RBMS3: variants seen among roughly 807,000 people sequenced by gnomAD.
RBMS3 encodes the protein RNA binding motif single stranded interacting protein 3, also known as RNA-binding motif, single-stranded-interacting protein 3.
RBMS3 carries 27 observed loss-of-function variants against 66.8 expected under a neutral mutation model. The ratio of observed to expected loss-of-function variants is 0.40; its 90% CI spans 0.30 to 0.56. The LOEUF (loss-of-function observed/expected upper bound fraction) is 0.56, where lower values mean the gene tolerates loss of function less well. RBMS3 is among the 20% of genes least tolerant of loss of function. The pLI is 0.40. For synonymous variants in RBMS3, 188 were observed against 183.0 expected (o/e 1.03, Z -0.22); for missense variants, 513 against 549.5 (o/e 0.93, Z 0.66).
intron 12 of RBMS3, among the ~76,000 whole-genome samples, chr3:29,948,377 A>G (rs1695457709): frequency 6.6e-6 from 1 of 151,788 alleles, no homozygotes; most frequent in African/African-American, 2.4e-5. Flanking sequence ...CAAAGATTTA[A>G]TTGAAGCCTA....
intron 4 of RBMS3, among the ~76,000 whole-genome samples, chr3:29,626,787 C>T (rs1279041627): frequency 2.6e-5 from 4 of 152,078 alleles, no homozygotes; most frequent in African/African-American, 9.7e-5. Context: ...ATTCAGGGCC[C>T]TGAAACAAGA....
At chr3:29,303,847 C>T (rs1442888768) in intron 1 of RBMS3, among the ~76,000 whole-genome samples, 2 of 152,000 alleles carry the variant, frequency 1.3e-5, no homozygotes, top group African/African-American at 2.4e-5. Context: ...TACAGTCCCA[C>T]GTGGCTGGGG....
intron 1 of RBMS3, among the ~76,000 whole-genome samples, chr3:29,314,088 G>T (rs1275657940): frequency 6.6e-6 from 1 of 151,598 alleles, no homozygotes; most frequent in African/African-American, 2.4e-5. Flanking sequence ...GATAGTAATA[G>T]AAGTCATAAT....
chr3:29,520,830 A>G (rs1398919414), intron 3 of RBMS3, among the ~76,000 whole-genome samples: 3 of 152,176 alleles, frequency 2.0e-5, no homozygotes. Context: ...CAAGGAGGTT[A>G]AAGAATCTTA....
chr3:29,350,916 A>G (rs1461129793), intron 1 of RBMS3, among the ~76,000 whole-genome samples: 1 of 152,112 alleles, frequency 6.6e-6, no homozygotes, highest in Non-Finnish European at 1.5e-5. Context: ...AAAGCTATAA[A>G]AGGAAAAGTG....
intron 1 of RBMS3, among the ~76,000 whole-genome samples, chr3:29,300,042 G>A (rs1376429467): frequency 6.6e-6 from 1 of 151,866 alleles, no homozygotes; most frequent in African/African-American, 2.4e-5. Flanking sequence ...TGAAGAAACA[G>A]AAATAGCTAC....
At position 29,597,537 on chromosome 3, in the gene RBMS3, T is replaced by A. The variant is rs80031856; in HGVS notation, c.399+10332T>A. Reference sequence around the variant, plus strand: ...CCCACCGTGTCCAGGACACACTTTTTAACTGCTATTTGAATGACTTAACCA... The same window carrying A: ...CCCACCGTGTCCAGGACACACTTTTAAACTGCTATTTGAATGACTTAACCA... On this transcript the variant is annotated intron_variant, in intron 4 of 14. Coordinates refer to ENST00000383767, the MANE Select transcript of RBMS3 (RefSeq NM_001003793.3). 3.3e-3 allele frequency among the ~76,000 whole-genome samples: 500 copies of A among 152,282 alleles called. 1 individual carries two copies. Among genetic ancestry groups the A allele is most frequent in the African/African-American group, 0.012 (483 of 41,576 alleles).
intron 9 of RBMS3, 88 bp downstream of exon 9, chr3:29,897,563 G>A: frequency 4.0e-6 from 5 of 1,237,262 alleles, no homozygotes; most frequent in Admixed American, 3.6e-5. Flanking sequence ...AGAATGAAAA[G>A]AAAAAAATTC....
intron 6 of RBMS3, among the ~76,000 whole-genome samples, chr3:29,769,830 A>G (rs2056119398): frequency 6.6e-6 from 1 of 151,966 alleles, no homozygotes. Context: ...GTAAACAAGC[A>G]TGCAACCAAT....
intron 3 of RBMS3, among the ~76,000 whole-genome samples, chr3:29,517,952 T>A (rs998969780): frequency 1.3e-5 from 2 of 152,214 alleles, no homozygotes; most frequent in Non-Finnish European, 2.9e-5. Flanking sequence ...TTCTTCCCCC[T>A]AAATAATCAT....
chr3:29,518,472 A>G (rs1344563989), intron 3 of RBMS3, among the ~76,000 whole-genome samples: 1 of 152,222 alleles, frequency 6.6e-6, no homozygotes, highest in Non-Finnish European at 1.5e-5. Flanking sequence ...TTTATTGTTA[A>G]TAAATGTGCA....
chr3:29,701,146 G>C (rs544781394), intron 4 of RBMS3, among the ~76,000 whole-genome samples: 1 of 151,978 alleles, frequency 6.6e-6, no homozygotes, highest in African/African-American at 2.4e-5. Context: ...ACGTGGTGGC[G>C]GGCTCCTGTA....
At chr3:29,717,886 C>A (rs1402075580) in intron 4 of RBMS3, among the ~76,000 whole-genome samples, 1 of 152,100 alleles carries the variant, frequency 6.6e-6, no homozygotes. Context: ...GATTTTGCTG[C>A]AAGCGTTTTG....
intron 4 of RBMS3, among the ~76,000 whole-genome samples, chr3:29,652,976 T>C (rs2050196242): frequency 6.6e-6 from 1 of 152,220 alleles, no homozygotes; most frequent in African/African-American, 2.4e-5. Context: ...TTTATATCAA[T>C]GGTAATGTAG....
At chr3:29,283,902 G>A (rs935832103) in intron 1 of RBMS3, among the ~76,000 whole-genome samples, 7 of 152,094 alleles carry the variant, frequency 4.6e-5, no homozygotes, top group African/African-American at 1.7e-4. Flanking sequence ...TGCATAGAGA[G>A]GAAATGAGAT....
At chr3:29,421,288 A>G (rs1456385139) in intron 1 of RBMS3, among the ~76,000 whole-genome samples, 1 of 152,138 alleles carries the variant, frequency 6.6e-6, no homozygotes, top group South Asian at 2.1e-4. Flanking sequence ...GCTGTGGACT[A>G]TTTGCTTCAG....
At chr3:29,417,093 G>C (rs12488958) in intron 1 of RBMS3, among the ~76,000 whole-genome samples, 26,409 of 151,770 alleles carry the variant, frequency 0.17, 2,817 homozygotes, top group Non-Finnish European at 0.25. Context: ...CAAAAGGTTT[G>C]CAGCAAAAAA....
chr3:29,438,647 A>C (rs1441026747), intron 2 of RBMS3, among the ~76,000 whole-genome samples: 4 of 152,212 alleles, frequency 2.6e-5, no homozygotes, highest in African/African-American at 9.6e-5. Context: ...TTTTGGATGA[A>C]TACATTATAC....
intron 4 of RBMS3, among the ~76,000 whole-genome samples, chr3:29,702,495 A>C (rs1033223233): frequency 2.0e-5 from 3 of 152,048 alleles, no homozygotes; most frequent in Admixed American, 6.5e-5. Flanking sequence ...GTCCTCTTTC[A>C]CTCTGTGGAA....
Sources: allele counts gnomAD v4.1 joint callset (sites outside exome capture counted in the v4.1 genomes callset), GRCh38; gene constraint gnomAD v4.1.1; transcripts MANE v1.5; gene names NCBI Gene and HGNC (gene_info 2026-07-23, HGNC 2026-07-21).